RTN1: variants seen among roughly 807,000 people sequenced by gnomAD.
RTN1 encodes reticulon-1.
A neutral mutation model predicts 65.5 loss-of-function variants in RTN1; 25 were observed. That is an observed-to-expected ratio of 0.38 (90% CI 0.28 to 0.53). RTN1 has a LOEUF of 0.53. RTN1 is among the 20% of genes least tolerant of loss of function. The pLI is 0.79. For synonymous variants in RTN1, 471 were observed against 447.6 expected, an observed-to-expected ratio of 1.05 and a Z score of -0.66; for missense variants, 983 against 1,025.4, an observed-to-expected ratio of 0.96 and a Z score of 0.57.
At chr14:59,731,862 T>C (rs533687035) in intron 2 of RTN1, among the ~76,000 whole-genome samples, 1 of 152,346 alleles carries the variant, frequency 6.6e-6, no homozygotes, top group African/African-American at 2.4e-5. Flanking sequence ...CCCTAGGCTC[T>C]CTTCTTACTC....
chr14:59,675,120 G>A (rs1017821531), intron 3 of RTN1, among the ~76,000 whole-genome samples: 1 of 152,056 alleles, frequency 6.6e-6, no homozygotes, highest in Non-Finnish European at 1.5e-5. Context: ...CACCATGATG[G>A]AGGAAGCTCA....
rs893228249 is a variant in RTN1, at chr14:59,794,886, CA to C, written c.242-48406del. Among the ~76,000 whole-genome samples, 1 of 151,952 alleles carries C rather than the reference CA, an allele frequency of 6.6e-6. No homozygotes were observed. Among genetic ancestry groups the C allele is most frequent in the African/African-American group, 2.4e-5 (1 of 41,388 alleles). Reference sequence around the variant, plus strand: ...TTTATCTAGGTATCCAAATGTCTAGCAAAAAAGTTTTTCCACTACAGGAGAA... The same window carrying C: ...TTTATCTAGGTATCCAAATGTCTAGCAAAAAGTTTTTCCACTACAGGAGAA... On this transcript the variant is annotated intron_variant, in intron 1 of 8. Transcript: ENST00000267484. The surrounding 1 kb of genome is among the most constrained non-coding windows in gnomAD (Gnocchi z 5.1).
At chr14:59,722,276 CAATACACA>C (rs1407361082) in intron 3 of RTN1, among the ~76,000 whole-genome samples, 1 of 152,082 alleles carries the variant, frequency 6.6e-6, no homozygotes, top group East Asian at 1.9e-4. Context: ...ATGGGATGTC[CAATACACA>C]GTGAGGGAAA....
At chr14:59,752,800 T>C (rs1246062327) in intron 1 of RTN1, among the ~76,000 whole-genome samples, 2 of 152,202 alleles carry the variant, frequency 1.3e-5, no homozygotes, top group African/African-American at 4.8e-5. Flanking sequence ...GAACAAGCTA[T>C]GACTAATTAA....
chr14:59,808,696 T>C (rs1886678235), intron 1 of RTN1, among the ~76,000 whole-genome samples: 1 of 152,264 alleles, frequency 6.6e-6, no homozygotes, highest in East Asian at 1.9e-4. Context: ...TGGGAGGTGA[T>C]TAGATCCTGG....
intron 3 of RTN1, among the ~76,000 whole-genome samples, chr14:59,644,790 C>G (rs1882854913): frequency 6.6e-6 from 1 of 152,030 alleles, no homozygotes; most frequent in Non-Finnish European, 1.5e-5. Context: ...GCTGTCGTTG[C>G]CTTCAGTACA....
intron 1 of RTN1, among the ~76,000 whole-genome samples, chr14:59,763,776 C>T (rs1885797495): frequency 6.6e-6 from 1 of 152,140 alleles, no homozygotes; most frequent in Non-Finnish European, 1.5e-5. Context: ...CGTGATCCAC[C>T]TGCCTCGGCC....
intron 1 of RTN1, among the ~76,000 whole-genome samples, chr14:59,856,672 C>A (rs1887614237): frequency 6.6e-6 from 1 of 152,162 alleles, no homozygotes; most frequent in Non-Finnish European, 1.5e-5. Context: ...CACCCCCAAT[C>A]CTTCCTTGCT....
chr14:59,623,657 A>G (rs990531587), intron 3 of RTN1, among the ~76,000 whole-genome samples: 26 of 152,348 alleles, frequency 1.7e-4, no homozygotes, highest in African/African-American at 6.0e-4. Flanking sequence ...ATTGGTCATC[A>G]ACCATAATTA....
rs1402860479 is a variant in RTN1, at chr14:59,870,771, T to C, written c.-141A>G. 1 of 912,586 alleles carries C rather than the reference T, an allele frequency of 1.1e-6. No homozygotes were observed. The allele number at this position is 912,586 out of a possible 1,614,324, so 56.5% of individuals were successfully genotyped here. A position where few individuals can be genotyped will look rare whatever the true frequency, so the allele number is the denominator to read the frequency against. On this transcript the variant is annotated 5_prime_UTR_variant, in exon 1 of 9. Transcript: ENST00000267484. This position sits in a 1 kb window ranked among gnomAD's most constrained non-coding sequence, Gnocchi z 5.1. ...GTCTCAGCGTCGCCGCCGCCTCTGC[T>C]GCAACTCCGCCGAGCCGCTGCCTGC...
chr14:59,727,647 T>C lies in RTN1; in HGVS notation c.1037A>G (p.Gln346Arg), dbSNP rs1274036222. 1 of 1,605,700 alleles carries C rather than the reference T, an allele frequency of 6.2e-7. No individual in the cohort carries two copies. The highest frequency in any genetic ancestry group is 8.5e-7 in the Non-Finnish European group (1 of 1,175,776). The change falls in exon 3 of 9, where the codon CAG becomes CGG. Residue 346 changes from glutamine to arginine, a missense_variant. This residue lies in a region of RTN1 where 818 missense variants were observed against 801.8 expected (regional missense o/e 1.02). Transcript: ENST00000267484. This position sits in a 1 kb window ranked among gnomAD's most constrained non-coding sequence, Gnocchi z 4.2. ...SGTEPSAAES[Q>R]GKGSISEDEL... ...ATCCTCGGAGATGCTGCCTTTCCCC[T>C]GGGATTCTGCAGCAGATGGTTCTGT...
At chr14:59,684,430 A>G (rs1303949990) in intron 3 of RTN1, among the ~76,000 whole-genome samples, 1 of 152,070 alleles carries the variant, frequency 6.6e-6, no homozygotes, top group Non-Finnish European at 1.5e-5. Flanking sequence ...TATGGCAATA[A>G]ACAGAATTAT....
chr14:59,622,357 T>C (rs977503079), intron 3 of RTN1, among the ~76,000 whole-genome samples: 1 of 152,120 alleles, frequency 6.6e-6, no homozygotes, highest in African/African-American at 2.4e-5. Context: ...AATAAATAAG[T>C]AAATGCCAAG....
intron 3 of RTN1, among the ~76,000 whole-genome samples, chr14:59,685,271 C>G (rs758413082): frequency 6.6e-6 from 1 of 152,220 alleles, no homozygotes; most frequent in East Asian, 1.9e-4. Context: ...CAAAGATGAC[C>G]ACTCTTGTCA....
intron 3 of RTN1, among the ~76,000 whole-genome samples, chr14:59,665,809 A>AG (rs1297137695): frequency 6.6e-6 from 1 of 152,148 alleles, no homozygotes; most frequent in African/African-American, 2.4e-5. Flanking sequence ...CTGATAAAAC[A>AG]ACTTTAAACC....
intron 1 of RTN1, among the ~76,000 whole-genome samples, chr14:59,840,876 C>G (rs998139512): frequency 6.6e-6 from 1 of 152,160 alleles, no homozygotes; most frequent in African/African-American, 2.4e-5. Context: ...AGCACAAATA[C>G]TTTTTCATGC....
At chr14:59,606,117 T>TAC (rs1881741756) in intron 4 of RTN1, 2 of 103,180 alleles carry the variant, frequency 1.9e-5, no homozygotes, top group African/African-American at 7.2e-5. Flanking sequence ...TATATATATA[T>TAC]ATATATATAT....
At chr14:59,798,679 C>T (rs1029181497) in intron 1 of RTN1, among the ~76,000 whole-genome samples, 1 of 152,080 alleles carries the variant, frequency 6.6e-6, no homozygotes, top group African/African-American at 2.4e-5. Flanking sequence ...TTACATTGGG[C>T]CCGCCTGGAT....
intron 1 of RTN1, among the ~76,000 whole-genome samples, chr14:59,831,403 A>G (rs1161197396): frequency 6.6e-6 from 1 of 152,134 alleles, no homozygotes; most frequent in Non-Finnish European, 1.5e-5. Context: ...AACCTGAGAC[A>G]CTGGCTTTTT....
Sources: allele counts gnomAD v4.1 joint callset (sites outside exome capture counted in the v4.1 genomes callset), GRCh38; gene constraint gnomAD v4.1.1; regional missense constraint gnomAD v4.1.1; non-coding constraint Gnocchi (gnomAD v3.1); transcripts MANE v1.5; gene names NCBI Gene and HGNC (gene_info 2026-07-23, HGNC 2026-07-21).